UTRN: variants seen among roughly 807,000 people sequenced by gnomAD.
The protein encoded by UTRN is dystrophin-related protein 1.
UTRN carries 283 observed loss-of-function variants against 463.9 expected under a neutral mutation model. The observed-to-expected ratio is 0.61, with a 90% CI of 0.55 to 0.67. The LOEUF (loss-of-function observed/expected upper bound fraction) is 0.67. Ranked by LOEUF, UTRN falls within the 30% of genes least tolerant of loss-of-function variation. The pLI, the probability that UTRN is intolerant of heterozygous loss-of-function variation, is 0.00. For missense variants in UTRN, 3,922 were observed against 4,084.3 expected (o/e 0.96, Z 1.08); for synonymous variants, 1,442 against 1,431.5 (o/e 1.01, Z -0.17).
At chr6:144,556,072 A>T (rs1293864075) in intron 49 of UTRN, among the ~76,000 whole-genome samples, 2 of 152,188 alleles carry the variant, frequency 1.3e-5, no homozygotes, top group African/African-American at 4.8e-5. Context: ...TGCTTTTAAG[A>T]TTCTCTGTAT....
intron 50 of UTRN, among the ~76,000 whole-genome samples, chr6:144,559,060 G>A (rs950629296): frequency 5.3e-5 from 8 of 151,242 alleles, no homozygotes; most frequent in African/African-American, 1.7e-4. Context: ...AAATTTATCC[G>A]TTAGGAATGT....
chr6:144,669,324 T>C (rs1049294774), intron 51 of UTRN, among the ~76,000 whole-genome samples: 2 of 152,226 alleles, frequency 1.3e-5, no homozygotes, highest in Non-Finnish European at 2.9e-5. Flanking sequence ...TCCTCTTCTA[T>C]AGAGGTTACA....
At chr6:144,287,802 T>C (rs1803839576) in intron 1 of UTRN, among the ~76,000 whole-genome samples, 1 of 152,208 alleles carries the variant, frequency 6.6e-6, no homozygotes. Context: ...AGTAAGAACA[T>C]CTGGCTTTTA....
At chr6:144,548,000 G>A (rs140017085) in intron 46 of UTRN, among the ~76,000 whole-genome samples, 2 of 152,110 alleles carry the variant, frequency 1.3e-5, no homozygotes, top group African/African-American at 4.8e-5. Context: ...ACTACTTATT[G>A]TATCAAAACC....
intron 41 of UTRN, among the ~76,000 whole-genome samples, chr6:144,526,700 G>C (rs1796597935): frequency 6.7e-6 from 1 of 149,198 alleles, no homozygotes; most frequent in Non-Finnish European, 1.5e-5. Context: ...ATTGAGATAT[G>C]AGGTACTATT....
intron 59 of UTRN, among the ~76,000 whole-genome samples, chr6:144,773,544 G>C (rs1184672447): frequency 6.6e-6 from 1 of 152,134 alleles, no homozygotes; most frequent in Non-Finnish European, 1.5e-5. Flanking sequence ...AAAAGCACAA[G>C]AAATTTACTT....
At chr6:144,620,355 C>G (rs1775227226) in intron 51 of UTRN, among the ~76,000 whole-genome samples, 1 of 152,062 alleles carries the variant, frequency 6.6e-6, no homozygotes, top group East Asian at 1.9e-4. Context: ...TGCCATTGCC[C>G]TTTTAGCTTC....
At chr6:144,644,621 G>A (rs1376535571) in intron 51 of UTRN, among the ~76,000 whole-genome samples, 1 of 151,932 alleles carries the variant, frequency 6.6e-6, no homozygotes, top group East Asian at 1.9e-4. Context: ...CAGTGTTTTA[G>A]TTACATTTTT....
chr6:144,530,992 T>C (rs985473655), intron 41 of UTRN, 60 bp from the exon 42 acceptor site: 2 of 1,513,508 alleles, frequency 1.3e-6, no homozygotes, highest in Non-Finnish European at 8.9e-7. Context: ...TTTAGAAAAA[T>C]GGCTTTAGGC....
intron 43 of UTRN, among the ~76,000 whole-genome samples, chr6:144,534,920 G>A (rs2128603700): frequency 6.6e-6 from 1 of 152,236 alleles, no homozygotes; most frequent in East Asian, 1.9e-4. Context: ...AGAGGTGGGA[G>A]GCATAAATAG....
chr6:144,635,518 T>C (rs1360589084), intron 51 of UTRN, among the ~76,000 whole-genome samples: 1 of 80,478 alleles, frequency 1.2e-5, no homozygotes, highest in African/African-American at 5.1e-5. Flanking sequence ...TTTTTTCTTT[T>C]TTTTTTTTTT....
intron 51 of UTRN, 111 bp downstream of exon 51, chr6:144,577,399 A>G: frequency 9.0e-7 from 1 of 1,112,562 alleles, no homozygotes; most frequent in Non-Finnish European, 1.3e-6. Flanking sequence ...TTATTCTCTT[A>G]TGAAATCCGT....
chr6:144,763,663 G>A (rs1792960269), intron 58 of UTRN, among the ~76,000 whole-genome samples: 1 of 152,180 alleles, frequency 6.6e-6, no homozygotes, highest in Non-Finnish European at 1.5e-5. Context: ...TCAGAGAGGA[G>A]TATCAGCAAG....
intron 30 of UTRN, among the ~76,000 whole-genome samples, chr6:144,489,076 A>G (rs1792772001): frequency 6.9e-6 from 1 of 144,978 alleles, no homozygotes; most frequent in Admixed American, 6.8e-5. Flanking sequence ...TTGAGACAGA[A>G]TCCCACTATG....
At chr6:144,822,883 G>A (rs1779723093) in intron 66 of UTRN, among the ~76,000 whole-genome samples, 1 of 152,092 alleles carries the variant, frequency 6.6e-6, no homozygotes, top group African/African-American at 2.4e-5. Context: ...ACTAAGCGAT[G>A]TGCCTTTTAA....
intron 51 of UTRN, among the ~76,000 whole-genome samples, chr6:144,658,732 T>G (rs186962848): frequency 4.6e-5 from 7 of 152,360 alleles, no homozygotes; most frequent in African/African-American, 1.7e-4. Flanking sequence ...ACTGTATAGC[T>G]ATGTAATGCA....
intron 51 of UTRN, among the ~76,000 whole-genome samples, chr6:144,633,956 C>A (rs1409934784): frequency 6.6e-6 from 1 of 152,142 alleles, no homozygotes; most frequent in African/African-American, 2.4e-5. Context: ...ATTAGATGTG[C>A]AGGAATAGGC....
chr6:144,358,973 G>A (rs1478036621), intron 2 of UTRN, among the ~76,000 whole-genome samples: 2 of 152,028 alleles, frequency 1.3e-5, no homozygotes, highest in Non-Finnish European at 2.9e-5. Flanking sequence ...TACTTCATAA[G>A]CATTTTCCAT....
Position 144,839,233 on chromosome 6 carries a change from C to T in UTRN, c.10126C>T (p.Leu3376=). 6.2e-7 allele frequency: 1 copy of T among 1,614,066 alleles called. No homozygotes were observed. Among genetic ancestry groups the T allele is most frequent in the Admixed American group, 1.7e-5 (1 of 60,022 alleles). The change falls in exon 72 of 75, where the codon CTG becomes TTG. Residue 3376 remains leucine, a synonymous_variant. Transcript: ENST00000367545. ...SPWASPQHSA[L]SYSLDPDASG... ...ATGGGCTTCTCCTCAGCATTCTGCA[C>T]TGAGCTACTCGCTTGATCCAGATGC...
Sources: gnomAD v4.1 joint callset for allele counts (sites outside exome capture counted in the v4.1 genomes callset) on GRCh38, gnomAD v4.1.1 for gene constraint, MANE v1.5 for transcripts, NCBI Gene and HGNC (gene_info 2026-07-23, HGNC 2026-07-21) for gene names.